KLHDC4: variants seen among roughly 807,000 people sequenced by gnomAD.
KLHDC4 encodes kelch domain containing 4, also known as kelch domain-containing protein 4.
In KLHDC4, 90 loss-of-function variants were observed where a neutral mutation model predicts 62.4. The observed-to-expected ratio is 1.44, with a 90% CI of 1.22 to 1.72. The LOEUF (loss-of-function observed/expected upper bound fraction) is 1.72, where lower values mean the gene tolerates loss of function less well. Ranked by LOEUF, KLHDC4 falls within the 40% of genes most tolerant of loss-of-function variation. The pLI is 0.00. For synonymous variants in KLHDC4, 386 were observed against 284.4 expected, an observed-to-expected ratio of 1.36 and a Z score of -3.59; for missense variants, 1,025 against 699.7, an observed-to-expected ratio of 1.47 and a Z score of -5.25.
chr16:87,714,835 C>G (rs1195088064), intron 7 of KLHDC4, among the ~76,000 whole-genome samples: 1 of 152,190 alleles, frequency 6.6e-6, no homozygotes, highest in Non-Finnish European at 1.5e-5. Flanking sequence ...TCGGGGCACG[C>G]ACAGCTTCCA....
At chr16:87,736,185 G>A (rs557437414) in intron 5 of KLHDC4, among the ~76,000 whole-genome samples, 30 of 152,284 alleles carry the variant, frequency 2.0e-4, no homozygotes, top group African/African-American at 7.2e-4. Context: ...TGACGGGAGA[G>A]CCCAATGCTT....
intron 10 of KLHDC4, among the ~76,000 whole-genome samples, chr16:87,708,876 A>G (rs532741773): frequency 6.6e-6 from 1 of 152,354 alleles, no homozygotes; most frequent in Admixed American, 6.5e-5. Flanking sequence ...CAGTTGGGGT[A>G]AAGGGGACGT....
intron 4 of KLHDC4, among the ~76,000 whole-genome samples, chr16:87,751,534 T>C (rs1444526939): frequency 6.6e-6 from 1 of 151,344 alleles, no homozygotes; most frequent in African/African-American, 2.4e-5. Flanking sequence ...AAAATACAAA[T>C]TCAGTTTAGG....
At chr16:87,761,477 A>G (rs1163697172) in intron 2 of KLHDC4, among the ~76,000 whole-genome samples, 2 of 152,242 alleles carry the variant, frequency 1.3e-5, no homozygotes, top group Non-Finnish European at 2.9e-5. Context: ...GAAATCCTAC[A>G]GACTCGGAAC....
intron 8 of KLHDC4, among the ~76,000 whole-genome samples, chr16:87,712,240 G>C (rs1425608812): frequency 2.0e-5 from 3 of 152,160 alleles, no homozygotes; most frequent in African/African-American, 4.8e-5. Flanking sequence ...ACCACTTCTA[G>C]GAGACAGAAT....
At chr16:87,711,507 G>T (rs1419335154) in intron 8 of KLHDC4, 64 bp from the exon 9 acceptor site, 3 of 1,428,428 alleles carry the variant, frequency 2.1e-6, no homozygotes, top group Non-Finnish European at 2.8e-6. Flanking sequence ...GCCAGCCCAG[G>T]ACACGCTCAG....
chr16:87,705,753 C>G (rs1392664256), downstream of KLHDC4, among the ~76,000 whole-genome samples: 1 of 152,076 alleles, frequency 6.6e-6, no homozygotes, highest in African/African-American at 2.4e-5. Flanking sequence ...CGTCCATCTT[C>G]TGGACAAGGG....
chr16:87,708,242 G>A (rs1202094555), intron 11 of KLHDC4, 108 bp downstream of exon 11: 41 of 788,940 alleles, frequency 5.2e-5, no homozygotes, highest in Non-Finnish European at 8.0e-5. Context: ...ACACACCAAC[G>A]TTTTTAAAAA....
chr16:87,719,135 G>C (rs1453309627), intron 7 of KLHDC4, among the ~76,000 whole-genome samples: 1 of 152,106 alleles, frequency 6.6e-6, no homozygotes. Context: ...TGGGAAGTGA[G>C]GATCTTCCCG....
At chr16:87,754,116 G>C (rs977133131) in intron 4 of KLHDC4, among the ~76,000 whole-genome samples, 15 of 152,048 alleles carry the variant, frequency 9.9e-5, no homozygotes, top group Non-Finnish European at 2.2e-4. Flanking sequence ...CTCCAGGCTG[G>C]GAGACAGAGC....
chr16:87,719,145 G>A (rs946806244), intron 7 of KLHDC4, among the ~76,000 whole-genome samples: 12 of 152,144 alleles, frequency 7.9e-5, no homozygotes, highest in Middle Eastern at 3.4e-3. Context: ...GGATCTTCCC[G>A]GCCGCCACCC....
At chr16:87,723,892 A>C (rs886416244) in intron 7 of KLHDC4, among the ~76,000 whole-genome samples, 3 of 152,324 alleles carry the variant, frequency 2.0e-5, no homozygotes, top group Admixed American at 6.5e-5. Flanking sequence ...GCTGGAATGT[A>C]GCAGCACAAT....
upstream of KLHDC4, chr16:87,702,611 G>GA (rs1281662371): frequency 4.1e-6 from 1 of 241,542 alleles, no homozygotes; most frequent in East Asian, 9.4e-5. Flanking sequence ...CATTTCCACA[G>GA]AAACCCTGTC....
intron 2 of KLHDC4, among the ~76,000 whole-genome samples, chr16:87,761,190 C>T (rs950551029): frequency 6.6e-6 from 1 of 152,248 alleles, no homozygotes; most frequent in African/African-American, 2.4e-5. Flanking sequence ...ACACCACTCA[C>T]TCTGCTCAGG....
At chr16:87,698,740 G>C (rs1255551632) in exon 1 of KLHDC4, 1 of 152,140 alleles carries the variant, frequency 6.6e-6, no homozygotes, top group Non-Finnish European at 1.5e-5. Context: ...TAAGCAGAAG[G>C]CTGCTTCCCG....
intron 7 of KLHDC4, among the ~76,000 whole-genome samples, chr16:87,718,298 T>TCCCC (rs2037417985): frequency 1.0e-5 from 1 of 98,548 alleles, no homozygotes; most frequent in African/African-American, 4.2e-5. Flanking sequence ...TCCCTCTCCC[T>TCCCC]CTCCCTCCCC....
chr16:87,730,736 C>T, intron 5 of KLHDC4, 92 bp from the exon 6 acceptor site: 6 of 1,079,566 alleles, frequency 5.6e-6, no homozygotes, highest in Non-Finnish European at 8.4e-6. Context: ...AATTTTTACA[C>T]TGATTTCTGT....
At chr16:87,744,364 G>A (rs1211506684) in intron 5 of KLHDC4, among the ~76,000 whole-genome samples, 2 of 150,452 alleles carry the variant, frequency 1.3e-5, no homozygotes, top group African/African-American at 2.5e-5. Flanking sequence ...GCAGTGAGCC[G>A]AGATCCCGCC....
chr16:87,730,635 G>A lies in KLHDC4; in HGVS notation c.516C>T (p.Gly172=), dbSNP rs113375501. ...TKTWEQVKST[G]GPSGRSGHRM... ...GATGTCCACTCCGACCCGAAGGACC[G>A]CCTGTTGATCTAAAATGAAATAAAC... Residue 172 remains glycine, a synonymous_variant, in exon 6 of 12, where the codon GGC becomes GGT. Transcript: ENST00000270583. 52 of 1,611,920 alleles carry A rather than the reference G, an allele frequency of 3.2e-5. No homozygotes were observed. Among genetic ancestry groups the A allele is most frequent in the African/African-American group, 1.5e-4 (11 of 74,954 alleles).
Sources: allele counts gnomAD v4.1 joint callset (sites outside exome capture counted in the v4.1 genomes callset), GRCh38; gene constraint gnomAD v4.1.1; transcripts MANE v1.5; gene names NCBI Gene and HGNC (gene_info 2026-07-23, HGNC 2026-07-21).